POLR3E: variants seen among roughly 807,000 people sequenced by gnomAD.
POLR3E encodes the protein RNA polymerase III subunit E.
POLR3E carries 41 observed loss-of-function variants against 96.6 expected under a neutral mutation model. The observed-to-expected ratio is 0.42, with a 90% confidence interval of 0.33 to 0.55. The LOEUF (loss-of-function observed/expected upper bound fraction) is 0.55, where lower values mean the gene tolerates loss of function less well. Among genes scored for constraint, POLR3E ranks in the 20% least tolerant of loss-of-function variants. POLR3E has a pLI of 0.06. For synonymous variants in POLR3E, 396 were observed against 383.6 expected (o/e 1.03, Z -0.38); for missense variants, 849 against 952.1 (o/e 0.89, Z 1.43).
intron 19 of POLR3E, among the ~76,000 whole-genome samples, chr16:22,329,670 C>T (rs1481756220): frequency 6.6e-6 from 1 of 151,962 alleles, no homozygotes; most frequent in Non-Finnish European, 1.5e-5. Flanking sequence ...ACTTTGATAA[C>T]AAAAAGGCAA....
At chr16:22,299,096 G>A in intron 1 of POLR3E, 1 of 455,140 alleles carries the variant, frequency 2.2e-6, no homozygotes, top group Admixed American at 2.4e-5. Context: ...GGTAGGGCCT[G>A]GGAGGAGGCT....
At chr16:22,326,564 G>T in intron 18 of POLR3E, 2 of 523,908 alleles carry the variant, frequency 3.8e-6, no homozygotes, top group Non-Finnish European at 3.4e-6. Flanking sequence ...GCCCCTGCCT[G>T]GTTTCTCACC....
Position 22,313,965 on chromosome 16 carries a change from C to T in POLR3E, c.473-114C>T. On this transcript the variant is annotated intron_variant, in intron 7 of 20. Transcript: ENST00000299853. The surrounding 1 kb of genome is among the most constrained non-coding windows in gnomAD (Gnocchi z 4.1). ...GAGAACCACTGGCTTAGGCAGCTCCCTCTGCGAGGAGAACTCCCAGCACCC... is the reference window on the plus strand; with the variant it reads ...GAGAACCACTGGCTTAGGCAGCTCCTTCTGCGAGGAGAACTCCCAGCACCC... 1.1e-6 allele frequency: 1 copy of T among 931,890 alleles called. No individual in the cohort carries two copies. The highest frequency in any genetic ancestry group is 1.7e-6 in the Non-Finnish European group (1 of 573,198). 57.7% of individuals were successfully genotyped at this position (931,890 alleles called of 1,614,324 possible).
chr16:22,309,564 C>A, intron 6 of POLR3E, 54 bp downstream of exon 6: 22 of 1,204,028 alleles, frequency 1.8e-5, no homozygotes, highest in Non-Finnish European at 2.6e-5. Flanking sequence ...GGGGGCTGGG[C>A]AGGGAGAGTA....
rs1308500394 is a variant in POLR3E, at chr16:22,334,979, G to A, written c.*1279G>A. 1 of 152,178 alleles carries A rather than the reference G, an allele frequency of 6.6e-6. No individual in the cohort carries two copies. The highest frequency in any genetic ancestry group is 1.5e-5 in the Non-Finnish European group (1 of 68,044). 9.4% of individuals were successfully genotyped at this position (152,178 alleles called of 1,614,324 possible). On this transcript the variant is annotated 3_prime_UTR_variant, in exon 21 of 21. Coordinates refer to ENST00000299853, the MANE Select transcript of POLR3E (RefSeq NM_018119.4). ...AATATTTTAGCTATAGAATCACTAA[G>A]GCATTGATCAAGGATGTACTTTGCC...
intron 1 of POLR3E, among the ~76,000 whole-genome samples, chr16:22,298,700 C>T (rs2047958723): frequency 6.6e-6 from 1 of 152,180 alleles, no homozygotes; most frequent in Non-Finnish European, 1.5e-5. Context: ...AGTTTCTGTC[C>T]TCATTCCACC....
intron 14 of POLR3E, among the ~76,000 whole-genome samples, chr16:22,323,836 A>G (rs914211570): frequency 6.6e-6 from 1 of 152,116 alleles, no homozygotes; most frequent in Non-Finnish European, 1.5e-5. Flanking sequence ...GGTGATAGTC[A>G]TCCATTCCCT....
intron 13 of POLR3E, among the ~76,000 whole-genome samples, chr16:22,320,321 GCA>G (rs1487615242): frequency 6.6e-6 from 1 of 152,044 alleles, no homozygotes; most frequent in East Asian, 1.9e-4. Flanking sequence ...GGGTGCAGTG[GCA>G]CAGTCTCAGC....
chr16:22,311,845 A>G (rs974844012), intron 6 of POLR3E, among the ~76,000 whole-genome samples: 7 of 152,218 alleles, frequency 4.6e-5, no homozygotes, highest in African/African-American at 1.7e-4. Flanking sequence ...TGCCTACAGT[A>G]TTCAGGGGAG....
rs1338372524 is a variant in POLR3E, at chr16:22,314,091, C to T, written c.485C>T (p.Ser162Leu). Residue 162 changes from serine to leucine, a missense_variant, in exon 8 of 21, where the codon TCA (serine) becomes TTA (leucine). Ser to Leu is a moderately radical substitution (Grantham distance 145). Transcript: ENST00000299853. ...REAANEAGDS[S>L]QDEAEDDVKQ... ...GTCTCTCTTGCAGCAGGGGACTCTT[C>T]ACAGGATGAGGCGGAAGACGATGTT... is the stretch of plus-strand genomic sequence containing the variant. 6.2e-7 allele frequency: 1 copy of T among 1,613,892 alleles called. No individual in the cohort carries two copies. The highest frequency in any genetic ancestry group is 8.5e-7 in the Non-Finnish European group (1 of 1,179,870).
At position 22,318,204 on chromosome 16, in the gene POLR3E, A is replaced by T. The variant is rs1264510095; in HGVS notation, c.866-622A>T. ...CGCCTCCCGGGTTCAAGCAATTCTC[A>T]TGCCTCAGCCTCTGGAGTAGCTGGG... On this transcript the variant is annotated intron_variant, in intron 12 of 20. Coordinates refer to ENST00000299853, the MANE Select transcript of POLR3E (RefSeq NM_018119.4). This position sits in a 1 kb window ranked among gnomAD's most constrained non-coding sequence, Gnocchi z 5.0. 2.0e-5 allele frequency among the ~76,000 whole-genome samples: 3 copies of T among 151,692 alleles called. No homozygotes were observed. Among genetic ancestry groups the T allele is most frequent in the East Asian group, 3.9e-4 (2 of 5,170 alleles).
chr16:22,302,622 G>A (rs2048049663), intron 1 of POLR3E: 1 of 297,344 alleles, frequency 3.4e-6, no homozygotes, highest in Non-Finnish European at 6.3e-6. Context: ...GTCTGGCAGT[G>A]AATTCTCTGT....
At chr16:22,307,623 C>A (rs2048160495) in intron 3 of POLR3E, among the ~76,000 whole-genome samples, 1 of 152,234 alleles carries the variant, frequency 6.6e-6, no homozygotes, top group African/African-American at 2.4e-5. Flanking sequence ...CCTTTTCCAG[C>A]ATCTTGTGAG....
intron 17 of POLR3E, 139 bp from the exon 18 acceptor site, chr16:22,325,622 T>C: frequency 9.8e-7 from 1 of 1,018,142 alleles, no homozygotes; most frequent in Non-Finnish European, 1.4e-6. Context: ...TCTCTTCCAC[T>C]GATGGGGTGG....
chr16:22,324,252 C>G (rs2048530234), intron 14 of POLR3E, 102 bp from the exon 15 acceptor site: 2 of 893,108 alleles, frequency 2.2e-6, no homozygotes, highest in African/African-American at 3.3e-5. Flanking sequence ...GAGCCTAGGA[C>G]TGTCCCAGGC....
chr16:22,326,117 A>G lies in POLR3E; in HGVS notation c.1705A>G (p.Thr569Ala). Reference protein sequence around the residue: ...ARELKAFVEATFQRQFVLTLS... With the variant: ...ARELKAFVEAAFQRQFVLTLS... Reference sequence around the variant, plus strand: ...GGAACTGAAGGCCTTCGTGGAGGCCACCTTTCAGAGACAGTTTGTGCTCAC... The same window carrying G: ...GGAACTGAAGGCCTTCGTGGAGGCCGCCTTTCAGAGACAGTTTGTGCTCAC... Residue 569 changes from threonine (T) to alanine (A), a missense_variant, in exon 18 of 21, where the codon ACC becomes GCC. Coordinates refer to ENST00000299853, the MANE Select transcript of POLR3E (RefSeq NM_018119.4). 1 of 1,613,886 alleles carries G rather than the reference A, an allele frequency of 6.2e-7. No individual in the cohort carries two copies. Among genetic ancestry groups the G allele is most frequent in the Non-Finnish European group, 8.5e-7 (1 of 1,179,988 alleles).
intron 4 of POLR3E, 150 bp from the exon 5 acceptor site, chr16:22,308,775 G>A: frequency 1.7e-6 from 1 of 597,972 alleles, no homozygotes; most frequent in Non-Finnish European, 3.0e-6. Context: ...CCTTGGTGTG[G>A]ACTGAAGTCC....
chr16:22,314,846 C>T (rs1011150893), intron 8 of POLR3E: 68 of 379,638 alleles, frequency 1.8e-4, no homozygotes, highest in African/African-American at 1.4e-3. Context: ...GCGCCTGGGA[C>T]TCTAATCCCC....
chr16:22,325,350 C>T (rs771063202), intron 17 of POLR3E, 84 bp downstream of exon 17: 106 of 1,122,996 alleles, frequency 9.4e-5, no homozygotes, highest in Non-Finnish European at 1.3e-4. Context: ...TTGTCAGGCC[C>T]GGACCTGGAG....
Sources: gnomAD v4.1 joint callset for allele counts (sites outside exome capture counted in the v4.1 genomes callset) on GRCh38, gnomAD v4.1.1 for gene constraint, Gnocchi (gnomAD v3.1) non-coding constraint, MANE v1.5 for transcripts, NCBI Gene and HGNC (gene_info 2026-07-23, HGNC 2026-07-21) for gene names.